PTPRD: variants seen among roughly 807,000 people sequenced by gnomAD.
PTPRD encodes the protein receptor-type tyrosine-protein phosphatase delta.
Under a neutral mutation model 214.5 loss-of-function variants are expected in PTPRD, and 34 were observed. The ratio of observed to expected loss-of-function variants is 0.16; its 90% CI spans 0.12 to 0.21. The LOEUF is 0.21. Among genes scored for constraint, PTPRD ranks in the 10% least tolerant of loss-of-function variants. The pLI is 1.00. For missense variants in PTPRD, 2,545 were observed against 2,398.7 expected (o/e 1.06, Z -1.27); for synonymous variants, 1,128 against 845.7 (o/e 1.33, Z -5.79).
intron 9 of PTPRD, among the ~76,000 whole-genome samples, chr9:9,320,454 T>C (rs193221026): frequency 1.6e-3 from 241 of 152,306 alleles, no homozygotes; most frequent in African/African-American, 5.5e-3. Flanking sequence ...TAAAATAAAG[T>C]AAGGAAGAAA....
rs573417694 is a variant in PTPRD, at chr9:9,289,974, A to T, written c.-202-106611T>A. Among the ~76,000 whole-genome samples, 8 of 151,924 alleles carry T rather than the reference A, an allele frequency of 5.3e-5. No homozygotes were observed. In the South Asian group the frequency reaches 1.7e-3, roughly 31 times the overall value. On this transcript the variant is annotated intron_variant, in intron 9 of 45. Coordinates refer to ENST00000381196, the MANE Select transcript of PTPRD (RefSeq NM_002839.4). ...CTTCACTTCCTTTGGATATATACCC[A>T]GAAATTAGGTTGTTGAATCATGTCG...
intron 7 of PTPRD, among the ~76,000 whole-genome samples, chr9:9,673,412 G>A (rs1235368842): frequency 1.3e-5 from 2 of 151,550 alleles, no homozygotes; most frequent in African/African-American, 4.8e-5. Context: ...TGGAAAAAAA[G>A]GATAAACTTC....
At chr9:9,058,833 G>T (rs2099701870) in intron 10 of PTPRD, among the ~76,000 whole-genome samples, 2 of 152,112 alleles carry the variant, frequency 1.3e-5, no homozygotes, top group South Asian at 4.1e-4. Context: ...ACGTATGACG[G>T]CAAGGTTAGC....
At chr9:10,192,001 T>C (rs1279637705) in intron 3 of PTPRD, among the ~76,000 whole-genome samples, 1 of 152,138 alleles carries the variant, frequency 6.6e-6, no homozygotes, top group Non-Finnish European at 1.5e-5. Context: ...TTATTAGAAA[T>C]TGTTTTGTTG....
intron 8 of PTPRD, among the ~76,000 whole-genome samples, chr9:9,476,624 A>G (rs932494639): frequency 1.3e-5 from 2 of 152,244 alleles, no homozygotes; most frequent in African/African-American, 2.4e-5. Flanking sequence ...TTATGTTTAT[A>G]AATGTTGAAT....
chr9:10,130,882 T>G (rs1429859209), intron 3 of PTPRD, among the ~76,000 whole-genome samples: 2 of 152,140 alleles, frequency 1.3e-5, no homozygotes, highest in Admixed American at 1.3e-4. Flanking sequence ...CTCTCAGACC[T>G]TCCTTTACAA....
chr9:9,410,740 C>A (rs1173422016), intron 8 of PTPRD, among the ~76,000 whole-genome samples: 1 of 152,114 alleles, frequency 6.6e-6, no homozygotes, highest in Non-Finnish European at 1.5e-5. Context: ...TACACACTTA[C>A]CCTAGGAGTT....
chr9:9,043,692 C>T (rs111999148), intron 10 of PTPRD, among the ~76,000 whole-genome samples: 1 of 151,972 alleles, frequency 6.6e-6, no homozygotes, highest in Non-Finnish European at 1.5e-5. Flanking sequence ...TCACGTGAGG[C>T]CAGATGTTTG....
chr9:9,041,217 T>C (rs1051819141), intron 10 of PTPRD, among the ~76,000 whole-genome samples: 1 of 152,176 alleles, frequency 6.6e-6, no homozygotes, highest in African/African-American at 2.4e-5. Context: ...CCTTTTTCTT[T>C]AACTTTTATT....
At chr9:9,727,648 C>A (rs751302028) in intron 7 of PTPRD, among the ~76,000 whole-genome samples, 59 of 152,046 alleles carry the variant, frequency 3.9e-4, no homozygotes, top group Non-Finnish European at 6.5e-4. Context: ...CCCTGAGGGG[C>A]AATTATGAAT....
intron 11 of PTPRD, among the ~76,000 whole-genome samples, chr9:8,956,451 C>T (rs2099132178): frequency 6.6e-6 from 1 of 151,690 alleles, no homozygotes; most frequent in Admixed American, 6.6e-5. Flanking sequence ...CTTTTTCTTT[C>T]TTTCTTTCTT....
chr9:10,301,503 A>G (rs2095861365), intron 3 of PTPRD, among the ~76,000 whole-genome samples: 1 of 152,218 alleles, frequency 6.6e-6, no homozygotes, highest in African/African-American at 2.4e-5. Context: ...ACCCTTCGCA[A>G]GGAAGCTAAG....
intron 2 of PTPRD, among the ~76,000 whole-genome samples, chr9:10,368,418 T>C (rs762953138): frequency 3.5e-4 from 53 of 152,138 alleles, no homozygotes; most frequent in Non-Finnish European, 7.2e-4. Context: ...TAAGTTCACC[T>C]ACTGAAATGA....
intron 39 of PTPRD, among the ~76,000 whole-genome samples, chr9:8,355,185 C>T (rs1039320046): frequency 3.9e-4 from 59 of 152,020 alleles, no homozygotes; most frequent in African/African-American, 1.3e-3. Flanking sequence ...AATAGTGCGG[C>T]ACCTCTCCTG....
At chr9:9,589,822 G>A (rs1371856821) in intron 7 of PTPRD, among the ~76,000 whole-genome samples, 1 of 151,984 alleles carries the variant, frequency 6.6e-6, no homozygotes, top group Non-Finnish European at 1.5e-5. Flanking sequence ...AGTGATTGTT[G>A]TCATTAGTAG....
chr9:10,520,487 T>C (rs2051810752), intron 2 of PTPRD, among the ~76,000 whole-genome samples: 1 of 152,260 alleles, frequency 6.6e-6, no homozygotes, highest in South Asian at 2.1e-4. Context: ...AGTGCTGATG[T>C]AGAAGCTACG....
At chr9:10,040,196 A>T (rs1438309848) in intron 3 of PTPRD, among the ~76,000 whole-genome samples, 1 of 152,100 alleles carries the variant, frequency 6.6e-6, no homozygotes, top group Non-Finnish European at 1.5e-5. Context: ...AAACGGATTC[A>T]TAAAAATGAA....
chr9:9,184,664 G>A (rs912948245), intron 9 of PTPRD, among the ~76,000 whole-genome samples: 2 of 151,976 alleles, frequency 1.3e-5, no homozygotes, highest in African/African-American at 4.8e-5. Flanking sequence ...AGCCTGTTTG[G>A]TTTATTAGAT....
At chr9:8,860,694 T>G (rs2098086476) in intron 11 of PTPRD, 1 of 152,200 alleles carries the variant, frequency 6.6e-6, no homozygotes, top group Admixed American at 6.5e-5. Flanking sequence ...TCTAGTAAAC[T>G]TCTGGACTGG....
Sources: gnomAD v4.1 joint callset for allele counts (sites outside exome capture counted in the v4.1 genomes callset) on GRCh38, gnomAD v4.1.1 for gene constraint, MANE v1.5 for transcripts, NCBI Gene and HGNC (gene_info 2026-07-23, HGNC 2026-07-21) for gene names.